Variants in INTS12 observed in about 807,000 individuals in gnomAD.
INTS12 encodes integrator complex subunit 12, also known as PHD finger protein 22.
Under a neutral mutation model 41.6 loss-of-function variants are expected in INTS12, and 13 were observed. The observed-to-expected ratio is 0.31, with a 90% CI of 0.20 to 0.50. INTS12 has a LOEUF of 0.50. Among genes scored for constraint, INTS12 ranks in the 20% least tolerant of loss-of-function variants. The pLI is 0.98. For missense variants in INTS12, 432 were observed against 541.6 expected (o/e 0.80, Z 2.01); for synonymous variants, 199 against 191.4 (o/e 1.04, Z -0.33).
At chr4:105,688,695 C>T (rs1731576815) in intron 6 of INTS12, among the ~76,000 whole-genome samples, 1 of 152,132 alleles carries the variant, frequency 6.6e-6, no homozygotes, top group South Asian at 2.1e-4. Flanking sequence ...TGCCTTCCAC[C>T]CACATCTAGC....
intron 2 of INTS12, chr4:105,702,995 G>A (rs1363506286): frequency 1.0e-6 from 1 of 973,910 alleles, no homozygotes; most frequent in Admixed American, 6.5e-5. Flanking sequence ...GTCATAAAGA[G>A]GTCAGCAACT....
At chr4:105,686,927 TGAAA>T in intron 6 of INTS12, 89 bp from the exon 7 acceptor site, 1 of 1,122,512 alleles carries the variant, frequency 8.9e-7, no homozygotes, top group Non-Finnish European at 1.3e-6. Context: ...ATCACTGAAA[TGAAA>T]TACAGTTGAA....
At chr4:105,687,527 T>C (rs1042956042) in intron 6 of INTS12, among the ~76,000 whole-genome samples, 5 of 152,252 alleles carry the variant, frequency 3.3e-5, no homozygotes, top group Non-Finnish European at 5.9e-5. Flanking sequence ...AATTTTCCTA[T>C]AAACTCTAAT....
chr4:105,691,227 T>C (rs1184866350), intron 6 of INTS12, among the ~76,000 whole-genome samples: 1 of 152,110 alleles, frequency 6.6e-6, no homozygotes, highest in Admixed American at 6.5e-5. Context: ...GAATCACTAA[T>C]TTAAGGCAGG....
intron 2 of INTS12, among the ~76,000 whole-genome samples, chr4:105,702,130 CTTTTT>C (rs950826694): frequency 9.1e-6 from 1 of 109,508 alleles, no homozygotes; most frequent in Non-Finnish European, 1.8e-5. Flanking sequence ...ATTTCTATTT[CTTTTT>C]TTTTTTTTTT....
intron 6 of INTS12, among the ~76,000 whole-genome samples, chr4:105,687,329 A>G (rs1328262506): frequency 6.6e-6 from 1 of 152,210 alleles, no homozygotes; most frequent in African/African-American, 2.4e-5. Context: ...CTATTGATAA[A>G]TGATTAAACT....
chr4:105,701,668 G>A (rs1031447818), intron 2 of INTS12, among the ~76,000 whole-genome samples: 6 of 152,060 alleles, frequency 3.9e-5, no homozygotes, highest in African/African-American at 1.4e-4. Context: ...TCCTGTGACA[G>A]TTTACTAATC....
At chr4:105,700,783 A>T (rs559466818) in intron 2 of INTS12, among the ~76,000 whole-genome samples, 1 of 151,332 alleles carries the variant, frequency 6.6e-6, no homozygotes, top group African/African-American at 2.4e-5. Context: ...AGCTTAAAAA[A>T]TAGCCAAGAT....
At chr4:105,702,303 T>C (rs936107297) in intron 2 of INTS12, among the ~76,000 whole-genome samples, 2 of 151,696 alleles carry the variant, frequency 1.3e-5, no homozygotes, top group African/African-American at 2.4e-5. Flanking sequence ...ACCCGGCTAA[T>C]TTTTTGTATT....
intron 6 of INTS12, 117 bp from the exon 7 acceptor site, chr4:105,686,955 A>C (rs1731518545): frequency 3.6e-6 from 3 of 841,408 alleles, no homozygotes; most frequent in Non-Finnish European, 5.8e-6. Context: ...TTTAAAAAAT[A>C]GTGTGATGAT....
chr4:105,691,094 G>T lies in INTS12; in HGVS notation c.657+882C>A, dbSNP rs538307416. Reference sequence around the variant, plus strand: ...TATTTCTGATTTAACTGATTAAAAAGTAAAATGGGTATCCCGAGTTTTTAC... The same window carrying T: ...TATTTCTGATTTAACTGATTAAAAATTAAAATGGGTATCCCGAGTTTTTAC... On this transcript the variant is annotated intron_variant, in intron 6 of 7. Coordinates refer to ENST00000340139, the MANE Select transcript of INTS12 (RefSeq NM_020395.4). Among the ~76,000 whole-genome samples, 206 of 152,176 alleles carry T rather than the reference G, an allele frequency of 1.4e-3. 1 individual carries two copies. The highest frequency in any genetic ancestry group is 0.01 in the South Asian group (50 of 4,818).
At chr4:105,708,457 G>A (rs565763316) in intron 1 of INTS12, 181 bp downstream of exon 1, 2 of 985,466 alleles carry the variant, frequency 2.0e-6, no homozygotes, top group Admixed American at 6.1e-5. Context: ...CTCGGAGGAA[G>A]CACAGTCCTC....
At chr4:105,686,888 C>T in intron 6 of INTS12, 50 bp from the exon 7 acceptor site, 1 of 1,522,268 alleles carries the variant, frequency 6.6e-7, no homozygotes, top group Non-Finnish European at 9.1e-7. Flanking sequence ...ACTGAATATA[C>T]AGAAAGATAA....
At position 105,699,879 on chromosome 4, in the gene INTS12, T is replaced by C. The variant is rs1437748307; in HGVS notation, c.127A>G (p.Ile43Val). 2.6e-6 allele frequency: 4 copies of C among 1,540,896 alleles called. No individual in the cohort carries two copies. Among genetic ancestry groups the C allele is most frequent in the Non-Finnish European group, 2.7e-6 (3 of 1,131,640 alleles). The stretch of plus-strand genomic sequence containing the variant: ...TGAGATGGACGGTAACTGGAATCAA[T>C]GCCCCGAGCCAAAGATTCATCAAGC... ...ALLDESLARG[I>V]DSSYRPSQKD... Residue 43 changes from isoleucine (I) to valine (V), a missense_variant, in exon 3 of 8, where the codon ATT (isoleucine) becomes GTT (valine). Ile to Val is a conservative substitution (Grantham distance 29). This residue lies in a region of INTS12 where 168 missense variants were observed against 198.9 expected (regional missense o/e 0.84). Coordinates refer to ENST00000340139, the MANE Select transcript of INTS12 (RefSeq NM_020395.4).
intron 3 of INTS12, among the ~76,000 whole-genome samples, chr4:105,697,155 C>A (rs968338952): frequency 1.3e-5 from 2 of 152,118 alleles, no homozygotes; most frequent in Admixed American, 1.3e-4. Context: ...CTTGTCTTTT[C>A]ATTCTGTTTA....
rs1330641911 is a variant in INTS12, at chr4:105,692,072, G to A, written c.561C>T (p.His187=). The A allele has an allele frequency of 3.7e-6, 6 of 1,609,916 alleles. No homozygotes were observed. The highest frequency in any genetic ancestry group is 3.4e-5 in the Admixed American group (2 of 59,628). The change falls in exon 6 of 8, where the codon CAC becomes CAT. Residue 187 remains histidine (H), a synonymous_variant. Transcript: ENST00000340139. ...TCACCTGGGGTTTATGACAATCTCG[G>A]TGGTAGAGATTATGGCACTCCTGAC... ...VECQECHNLY[H]RDCHKPQVTD...
chr4:105,706,543 C>T (rs1732270135), intron 1 of INTS12: 1 of 152,152 alleles, frequency 6.6e-6, no homozygotes, highest in African/African-American at 2.4e-5. Flanking sequence ...AGCCAAATCT[C>T]TTAAATTTGA....
intron 6 of INTS12, chr4:105,687,149 T>C: frequency 3.4e-6 from 1 of 296,770 alleles, no homozygotes; most frequent in South Asian, 3.3e-5. Flanking sequence ...TATGTAACCG[T>C]TAGCTTTACT....
At chr4:105,693,517 A>G (rs746414355) in intron 4 of INTS12, 31 bp from the exon 5 acceptor site, 1 of 1,573,568 alleles carries the variant, frequency 6.4e-7, no homozygotes, top group East Asian at 2.3e-5. Context: ...AAAATGATAA[A>G]GTAATGTGGT....
Sources: gnomAD v4.1 joint callset for allele counts (sites outside exome capture counted in the v4.1 genomes callset) on GRCh38, gnomAD v4.1.1 for gene constraint, gnomAD v4.1.1 regional missense constraint, MANE v1.5 for transcripts, NCBI Gene and HGNC (gene_info 2026-07-23, HGNC 2026-07-21) for gene names.